The following GUCY1A2 variants were observed in gnomAD, a reference collection of about 807,000 sequenced individuals.
GUCY1A2 encodes the protein guanylate cyclase soluble subunit alpha-2.
Under a neutral mutation model 63.5 loss-of-function variants are expected in GUCY1A2, and 27 were observed. That is an observed-to-expected ratio of 0.43 (90% CI 0.31 to 0.59). The LOEUF is 0.59. Among genes scored for constraint, GUCY1A2 ranks in the 20% least tolerant of loss-of-function variants. The pLI, the probability that GUCY1A2 is intolerant of heterozygous loss-of-function variation, is 0.11. For synonymous variants in GUCY1A2, 364 were observed against 343.5 expected, an observed-to-expected ratio of 1.06 and a Z score of -0.66; for missense variants, 768 against 913.3, an observed-to-expected ratio of 0.84 and a Z score of 2.05.
At chr11:106,817,067 G>A (rs1858841871) in intron 4 of GUCY1A2, among the ~76,000 whole-genome samples, 1 of 151,892 alleles carries the variant, frequency 6.6e-6, no homozygotes, top group South Asian at 2.1e-4. Flanking sequence ...AAAATAAAAG[G>A]GGAAGGAACA....
chr11:106,938,196 G>A (rs888818171), intron 4 of GUCY1A2, among the ~76,000 whole-genome samples: 6 of 151,878 alleles, frequency 4.0e-5, no homozygotes, highest in Admixed American at 2.0e-4. Flanking sequence ...TGCCCACCTC[G>A]GCCTCCCAAA....
At position 106,903,174 on chromosome 11, in the gene GUCY1A2, A is replaced by C. The variant is rs149467608; in HGVS notation, c.1206+36286T>G. On this transcript the variant is annotated intron_variant, in intron 4 of 7. Transcript: ENST00000526355. ...AAGTCCCAACAGCAGAATGCTAAAT[A>C]AATATTATCTAATAATTATTACATC... Among the ~76,000 whole-genome samples the C allele has an allele frequency of 5.8e-3, 884 of 152,274 alleles. 5 individuals carry two copies. The highest frequency in any genetic ancestry group is 0.02 in the African/African-American group (852 of 41,572).
At chr11:106,908,518 G>T (rs1021021864) in intron 4 of GUCY1A2, among the ~76,000 whole-genome samples, 3 of 151,472 alleles carry the variant, frequency 2.0e-5, no homozygotes, top group Admixed American at 6.6e-5. Flanking sequence ...AGTGAGAGCC[G>T]GTGACAAAAA....
intron 6 of GUCY1A2, among the ~76,000 whole-genome samples, chr11:106,739,997 CT>C (rs35005245): frequency 0.03 from 3,929 of 129,856 alleles, 93 homozygotes; most frequent in African/African-American, 0.097. Context: ...TTGAGAGGCA[CT>C]TTTTTTTTTT....
intron 5 of GUCY1A2, among the ~76,000 whole-genome samples, chr11:106,784,202 A>G (rs546169230): frequency 3.3e-5 from 5 of 152,190 alleles, no homozygotes; most frequent in Admixed American, 3.3e-4. Context: ...TTATTGAGAA[A>G]ATGGCACACT....
intron 4 of GUCY1A2, among the ~76,000 whole-genome samples, chr11:106,890,447 T>G (rs988217756): frequency 4.6e-5 from 7 of 152,196 alleles, no homozygotes; most frequent in African/African-American, 1.7e-4. Context: ...TGACTTTACT[T>G]CTTCCACCTG....
chr11:106,826,053 TA>T (rs1242562372), intron 4 of GUCY1A2, among the ~76,000 whole-genome samples: 1 of 152,226 alleles, frequency 6.6e-6, no homozygotes, highest in African/African-American at 2.4e-5. Flanking sequence ...AGAATGGTTC[TA>T]ATCTACTAGA....
At chr11:106,978,570 C>A in intron 3 of GUCY1A2, 49 bp downstream of exon 3, 1 of 1,270,376 alleles carries the variant, frequency 7.9e-7, no homozygotes, top group Non-Finnish European at 1.1e-6. Context: ...CTCGACTTTC[C>A]CTCTCTTTCA....
chr11:106,899,586 T>A (rs920999216), intron 4 of GUCY1A2, among the ~76,000 whole-genome samples: 1 of 152,176 alleles, frequency 6.6e-6, no homozygotes, highest in African/African-American at 2.4e-5. Context: ...CTAACTTACA[T>A]TAAAAATCAT....
intron 7 of GUCY1A2, among the ~76,000 whole-genome samples, chr11:106,695,634 A>T (rs1269225083): frequency 6.6e-6 from 1 of 152,170 alleles, no homozygotes; most frequent in Non-Finnish European, 1.5e-5. Flanking sequence ...TCACTGCTCC[A>T]AGATCTGATG....
rs374266501 is a variant in GUCY1A2 at position 106,925,000 on chromosome 11, C to T, written c.1206+14460G>A. Among the ~76,000 whole-genome samples the T allele has an allele frequency of 4.6e-5, 7 of 152,168 alleles. No individual in the cohort carries two copies. In the South Asian group the frequency reaches 1.0e-3, roughly 23 times the overall value. ...CCAGCCTGGGTGACAGAGCAAGATC[C>T]TGTCTCAAAAAAACAAAACAAAACA... is the stretch of plus-strand genomic sequence containing the variant. On this transcript the variant is annotated intron_variant, in intron 4 of 7. Coordinates refer to ENST00000526355, the MANE Select transcript of GUCY1A2 (RefSeq NM_000855.3).
intron 5 of GUCY1A2, among the ~76,000 whole-genome samples, chr11:106,791,278 T>C (rs916876621): frequency 6.6e-6 from 1 of 152,178 alleles, no homozygotes; most frequent in Non-Finnish European, 1.5e-5. Context: ...CAATACAAAG[T>C]CTCACAATCA....
chr11:106,892,809 T>G (rs1380085338), intron 4 of GUCY1A2, among the ~76,000 whole-genome samples: 2 of 152,144 alleles, frequency 1.3e-5, no homozygotes, highest in East Asian at 3.8e-4. Context: ...GTTTGGGGTT[T>G]GCAAGAAACT....
At chr11:106,925,109 G>T (rs1442561952) in intron 4 of GUCY1A2, among the ~76,000 whole-genome samples, 1 of 151,892 alleles carries the variant, frequency 6.6e-6, no homozygotes, top group African/African-American at 2.4e-5. Context: ...AGGTTAATTT[G>T]CATTCCATAC....
At chr11:106,751,731 T>C (rs1414884185) in intron 6 of GUCY1A2, among the ~76,000 whole-genome samples, 3 of 152,164 alleles carry the variant, frequency 2.0e-5, no homozygotes, top group Non-Finnish European at 4.4e-5. Flanking sequence ...GATTTATTTG[T>C]AGAATTAAAT....
At chr11:106,804,265 T>C (rs1858649650) in intron 5 of GUCY1A2, among the ~76,000 whole-genome samples, 1 of 152,226 alleles carries the variant, frequency 6.6e-6, no homozygotes, top group African/African-American at 2.4e-5. Flanking sequence ...ATGATGTTGA[T>C]GTTGATGGAG....
intron 6 of GUCY1A2, among the ~76,000 whole-genome samples, chr11:106,736,757 C>G (rs1444036600): frequency 6.6e-6 from 1 of 152,034 alleles, no homozygotes; most frequent in Non-Finnish European, 1.5e-5. Flanking sequence ...CCTTCCGATC[C>G]ATTAATATTA....
Position 106,878,502 on chromosome 11 carries a change from T to C in GUCY1A2, c.1206+60958A>G, listed in dbSNP as rs986869681. Among the ~76,000 whole-genome samples the C allele has an allele frequency of 2.0e-5, 3 of 151,966 alleles. No homozygotes were observed. In the East Asian group the frequency reaches 5.8e-4, roughly 29 times the overall value. ...GAACACAGATGGACCTGGAGGTCAT[T>C]ATACTTAACAAACTAATGCAGGAAC... is the stretch of plus-strand genomic sequence containing the variant. On this transcript the variant is annotated intron_variant, in intron 4 of 7. Transcript: ENST00000526355.
intron 1 of GUCY1A2, among the ~76,000 whole-genome samples, chr11:106,999,257 G>C (rs1861582219): frequency 6.6e-6 from 1 of 152,164 alleles, no homozygotes; most frequent in African/African-American, 2.4e-5. Context: ...CAGGAATAAA[G>C]ACAGAGAGAG....
Sources: gnomAD v4.1 joint callset for allele counts (sites outside exome capture counted in the v4.1 genomes callset) on GRCh38, gnomAD v4.1.1 for gene constraint, MANE v1.5 for transcripts, NCBI Gene and HGNC (gene_info 2026-07-23, HGNC 2026-07-21) for gene names.